The following RORA variants were observed in gnomAD, a reference collection of about 807,000 sequenced individuals.
The protein encoded by RORA is RAR related orphan receptor A, also known as nuclear receptor ROR-alpha.
Under a neutral mutation model 69.5 loss-of-function variants are expected in RORA, and 7 were observed. The ratio of observed to expected loss-of-function variants is 0.10; its 90% CI spans 0.06 to 0.19. The LOEUF (loss-of-function observed/expected upper bound fraction) is 0.19. Ranked by LOEUF, RORA falls within the 10% of genes least tolerant of loss-of-function variation. The pLI is 1.00. For synonymous variants in RORA, 261 were observed against 240.8 expected (o/e 1.08, Z -0.78); for missense variants, 457 against 663.0 (o/e 0.69, Z 3.41).
At chr15:61,214,460 A>G (rs907811007) in intron 1 of RORA, among the ~76,000 whole-genome samples, 1 of 152,232 alleles carries the variant, frequency 6.6e-6, no homozygotes, top group Non-Finnish European at 1.5e-5. Flanking sequence ...CAATATATTG[A>G]TCATCAGAGC....
chr15:61,141,571 T>G (rs967344477), intron 1 of RORA, among the ~76,000 whole-genome samples: 2 of 152,190 alleles, frequency 1.3e-5, no homozygotes, highest in Admixed American at 6.5e-5. Flanking sequence ...AGAAGAAACC[T>G]CAGAAAGACT....
At chr15:61,031,789 G>A (rs900853258) in intron 1 of RORA, among the ~76,000 whole-genome samples, 6 of 152,172 alleles carry the variant, frequency 3.9e-5, no homozygotes, top group African/African-American at 1.2e-4. Context: ...GTTCCACGAC[G>A]ATGGGCAAAT....
intron 1 of RORA, among the ~76,000 whole-genome samples, chr15:60,803,855 T>C (rs1473946061): frequency 6.6e-6 from 1 of 152,168 alleles, no homozygotes; most frequent in East Asian, 1.9e-4. Context: ...ATATGGAGAA[T>C]CGGTACTTAC....
At chr15:61,073,466 G>A (rs113756312) in intron 1 of RORA, among the ~76,000 whole-genome samples, 1 of 151,718 alleles carries the variant, frequency 6.6e-6, no homozygotes, top group African/African-American at 2.4e-5. Flanking sequence ...CCCTGTCATC[G>A]GGGTTCAAAT....
chr15:60,843,936 A>C (rs1264604583), intron 1 of RORA, among the ~76,000 whole-genome samples: 1 of 152,084 alleles, frequency 6.6e-6, no homozygotes, highest in Non-Finnish European at 1.5e-5. Flanking sequence ...GCCTCACCCT[A>C]ATATACCTAC....
At chr15:60,523,043 A>AAAAAC in intron 3 of RORA, among the ~76,000 whole-genome samples, 1 of 136,610 alleles carries the variant, frequency 7.3e-6, no homozygotes, top group South Asian at 2.2e-4. Flanking sequence ...GCCTCAAAAA[A>AAAAAC]AAAACACAAA....
intron 1 of RORA, among the ~76,000 whole-genome samples, chr15:60,691,437 A>T (rs930780873): frequency 6.6e-6 from 1 of 152,212 alleles, no homozygotes; most frequent in Non-Finnish European, 1.5e-5. Context: ...CTCACAAAAA[A>T]TTGTTAACTG....
At chr15:61,008,199 CTCTCTGTGTG>C (rs1227717335) in intron 1 of RORA, among the ~76,000 whole-genome samples, 1 of 82,290 alleles carries the variant, frequency 1.2e-5, no homozygotes, top group Non-Finnish European at 2.8e-5. Flanking sequence ...AATTCTCTCT[CTCTCTGTGTG>C]TGTGTGTGTG....
chr15:61,143,673 T>C (rs2079320832), intron 1 of RORA, among the ~76,000 whole-genome samples: 1 of 152,088 alleles, frequency 6.6e-6, no homozygotes, highest in African/African-American at 2.4e-5. Context: ...TGTGGGAAAA[T>C]GGTGGATTGT....
At chr15:60,514,203 C>A (rs1271937944) in intron 4 of RORA, among the ~76,000 whole-genome samples, 1 of 152,202 alleles carries the variant, frequency 6.6e-6, no homozygotes, top group Non-Finnish European at 1.5e-5. Context: ...ATCCCAACCT[C>A]CAATAGACTT....
At chr15:61,091,416 G>A (rs1010696265) in intron 1 of RORA, among the ~76,000 whole-genome samples, 2 of 152,150 alleles carry the variant, frequency 1.3e-5, no homozygotes, top group African/African-American at 4.8e-5. Context: ...AAGCGCTGCT[G>A]TACTCCCTCC....
chr15:60,560,136 A>G (rs949957849), intron 2 of RORA, among the ~76,000 whole-genome samples: 3 of 152,192 alleles, frequency 2.0e-5, no homozygotes, highest in Non-Finnish European at 4.4e-5. Flanking sequence ...ATTGTATTAA[A>G]TTTAGATCTC....
chr15:60,977,439 A>C (rs1190939621), intron 1 of RORA, among the ~76,000 whole-genome samples: 1 of 152,182 alleles, frequency 6.6e-6, no homozygotes, highest in African/African-American at 2.4e-5. Flanking sequence ...TCCTATGAAA[A>C]GAAAGGTTTT....
intron 1 of RORA, among the ~76,000 whole-genome samples, chr15:60,880,800 C>T (rs1383218487): frequency 6.6e-6 from 1 of 152,096 alleles, no homozygotes; most frequent in African/African-American, 2.4e-5. Flanking sequence ...TTCAACATAA[C>T]ACAAAGAAAT....
At chr15:60,689,499 A>G (rs538902740) in intron 1 of RORA, among the ~76,000 whole-genome samples, 1 of 152,232 alleles carries the variant, frequency 6.6e-6, no homozygotes, top group African/African-American at 2.4e-5. Context: ...TTTTAGTTTT[A>G]AAAAGGTTGT....
intron 1 of RORA, among the ~76,000 whole-genome samples, chr15:60,704,545 C>T (rs2071033620): frequency 6.6e-6 from 1 of 152,158 alleles, no homozygotes; most frequent in South Asian, 2.1e-4. Context: ...CAGTATTTGG[C>T]TAGGTTTTGC....
intron 2 of RORA, among the ~76,000 whole-genome samples, chr15:60,605,735 C>G (rs2068930447): frequency 6.6e-6 from 1 of 152,176 alleles, no homozygotes; most frequent in South Asian, 2.1e-4. Flanking sequence ...AGTAAAACCA[C>G]AGAGTAAATA....
intron 1 of RORA, among the ~76,000 whole-genome samples, chr15:61,091,702 C>T (rs1213866621): frequency 6.6e-6 from 1 of 152,214 alleles, no homozygotes; most frequent in African/African-American, 2.4e-5. Context: ...AGAATTAATT[C>T]AGGAAAGGTA....
chr15:60,754,898 G>T (rs1036125831), intron 1 of RORA, among the ~76,000 whole-genome samples: 2 of 151,874 alleles, frequency 1.3e-5, no homozygotes, highest in Non-Finnish European at 2.9e-5. Flanking sequence ...TGTGGAATGT[G>T]GGTTGTGTAT....
Sources: allele counts gnomAD v4.1 joint callset (sites outside exome capture counted in the v4.1 genomes callset), GRCh38; gene constraint gnomAD v4.1.1; transcripts MANE v1.5; gene names NCBI Gene and HGNC (gene_info 2026-07-23, HGNC 2026-07-21).